TLCD1: variants seen among roughly 807,000 people sequenced by gnomAD.
TLCD1 encodes TLC domain containing 1, also known as TLC domain-containing protein 1.
In TLCD1, 21 loss-of-function variants were observed where a neutral mutation model predicts 21.2. The ratio of observed to expected loss-of-function variants is 0.99; its 90% confidence interval spans 0.70 to 1.42. The LOEUF is 1.42. TLCD1 is among the 40% of genes most tolerant of loss of function. TLCD1 has a pLI of 0.00. For missense variants in TLCD1, 344 were observed against 330.3 expected, an observed-to-expected ratio of 1.04 and a Z score of -0.32; for synonymous variants, 168 against 134.8, an observed-to-expected ratio of 1.25 and a Z score of -1.71.
Position 28,724,525 on chromosome 17 carries a change from C to G in TLCD1, c.729G>C (p.Lys243Asn). 6.2e-7 allele frequency: 1 copy of G among 1,613,960 alleles called. No individual in the cohort carries two copies. The highest frequency in any genetic ancestry group is 1.1e-5 in the South Asian group (1 of 91,084). ...EHVPKKQHKDKFLTE is the reference protein window; with the variant it reads ...EHVPKKQHKDNFLTE The stretch of plus-strand genomic sequence containing the variant: ...TCTGTGCCCCTCACTCAGTCAAGAA[C>G]TTGTCTTTGTGTTGCTTCTTGGGGA... Residue 243 changes from lysine (K) to asparagine (N), a missense_variant, in exon 4 of 4, where the codon AAG becomes AAC. By Grantham distance (94) the Lys-to-Asn change is moderately conservative (BLOSUM62 0). Transcript: ENST00000292090.
chr17:28,726,849 G>A (rs747185232), upstream of TLCD1: 2 of 1,541,256 alleles, frequency 1.3e-6, no homozygotes, highest in South Asian at 2.4e-5. Flanking sequence ...CTGGGGCCGG[G>A]CGGCTGTCAC....
At chr17:28,726,752 T>C (rs1017319486), upstream of TLCD1, 2 of 1,548,984 alleles carry the variant, frequency 1.3e-6, no homozygotes, top group Admixed American at 2.0e-5. Context: ...AGTCCCGTGT[T>C]TACCTGTCCC....
chr17:28,724,427 C>A lies in TLCD1; in HGVS notation c.*83G>T. ...GTGGAGAGGCTGGCCTCAGAGGACACCCAGGCTTGGGGCTAAGTCCCAGTG... is the reference window on the plus strand; with the variant it reads ...GTGGAGAGGCTGGCCTCAGAGGACAACCAGGCTTGGGGCTAAGTCCCAGTG... On this transcript the variant is annotated 3_prime_UTR_variant, in exon 4 of 4. Coordinates refer to ENST00000292090, the MANE Select transcript of TLCD1 (RefSeq NM_138463.4). 6.5e-7 allele frequency: 1 copy of A among 1,529,668 alleles called. No individual in the cohort carries two copies. Among genetic ancestry groups the A allele is most frequent in the Non-Finnish European group, 8.8e-7 (1 of 1,133,758 alleles). The allele number at this position is 1,529,668 out of a possible 1,614,324, so 94.8% of individuals were successfully genotyped here.
upstream of TLCD1, among the ~76,000 whole-genome samples, chr17:28,726,541 C>G (rs1209308852): frequency 6.6e-6 from 1 of 152,046 alleles, no homozygotes; most frequent in African/African-American, 2.4e-5. Context: ...CACTTTTCCC[C>G]GGGCCACCGG....
At chr17:28,727,700 A>AC (rs2034254160), upstream of TLCD1, 1 of 150,884 alleles carries the variant, frequency 6.6e-6, no homozygotes, top group Non-Finnish European at 1.5e-5. Context: ...GCTCACTGCA[A>AC]CCTCCGCCTC....
chr17:28,724,944 C>T, intron 3 of TLCD1, 51 bp from the exon 4 acceptor site: 6 of 1,566,744 alleles, frequency 3.8e-6, no homozygotes, highest in Non-Finnish European at 5.2e-6. Context: ...AGACGCTTTC[C>T]TGGAAGTTTG....
chr17:28,726,942 G>A, upstream of TLCD1: 3 of 838,846 alleles, frequency 3.6e-6, no homozygotes, highest in Non-Finnish European at 5.8e-6. Flanking sequence ...CGGGACAGCT[G>A]GAGTGACCCG....
In TLCD1 at chr17:28,724,496, A is replaced by G. The variant is rs199958888; in HGVS notation, c.*14T>C. The G allele has an allele frequency of 6.2e-5, 100 of 1,608,698 alleles. No homozygotes were observed. Among genetic ancestry groups the G allele is most frequent in the Non-Finnish European group, 8.2e-5 (96 of 1,176,152 alleles). ...TGGCCTTGTCCGTTTTTGTTGTCCC[A>G]GGCTCTGTGCCCCTCACTCAGTCAA... is the stretch of plus-strand genomic sequence containing the variant. On this transcript the variant is annotated 3_prime_UTR_variant, in exon 4 of 4. Transcript: ENST00000292090.
rs755096145 is a variant in TLCD1 at position 28,724,884 on chromosome 17, C to T, written c.370G>A (p.Ala124Thr). ...CTCCAAAAGATGCCGGAGAAGAAGG[C>T]ACCCATGGCCTAGAGGGAAGAAAGA... ...YLVHHVMAMG[A>T]FFSGIFWSSF... The change falls in exon 4 of 4, where the codon GCC (alanine) becomes ACC (threonine). Residue 124 changes from alanine to threonine, a missense_variant. Physicochemically the swap from Ala to Thr is moderately conservative, Grantham distance 58 (BLOSUM62 0). Transcript: ENST00000292090. 6.2e-7 allele frequency: 1 copy of T among 1,613,120 alleles called. No individual in the cohort carries two copies. Among genetic ancestry groups the T allele is most frequent in the Non-Finnish European group, 8.5e-7 (1 of 1,179,670 alleles).
Position 28,725,962 on chromosome 17 carries a change from G to A in TLCD1, c.136C>T (p.His46Tyr). Residue 46 changes from histidine to tyrosine, a missense_variant, in exon 1 of 4, where the codon CAC becomes TAC. His to Tyr is a moderately conservative substitution (Grantham distance 83). Transcript: ENST00000292090. ...RADPLRTWRW[H>Y]NLLVSFAHSI... ...TGAGCGAAGGAGACGAGCAGGTTGTGCCAGCGCCAGGTGCGCAGGGGGTCG... is the reference window on the plus strand; with the variant it reads ...TGAGCGAAGGAGACGAGCAGGTTGTACCAGCGCCAGGTGCGCAGGGGGTCG... The A allele has an allele frequency of 6.2e-7, 1 of 1,612,640 alleles. No individual in the cohort carries two copies. The highest frequency in any genetic ancestry group is 8.5e-7 in the Non-Finnish European group (1 of 1,179,768).
rs1369100049 is a variant in TLCD1, at chr17:28,726,082, G to A, written c.16C>T (p.His6Tyr). The part of the protein sequence containing the change: MPRLL[H>Y]PALPLLLGAT... ...CCCAGGAGCAGCGGCAGGGCGGGGT[G>A]CAGCAGTCGGGGCATGCTGGCCCTC... is the stretch of plus-strand genomic sequence containing the variant. Residue 6 changes from histidine (H) to tyrosine (Y), a missense_variant, in exon 1 of 4, where the codon CAC (histidine) becomes TAC (tyrosine). Coordinates refer to ENST00000292090, the MANE Select transcript of TLCD1 (RefSeq NM_138463.4). 10 of 1,476,928 alleles carry A rather than the reference G, an allele frequency of 6.8e-6. No homozygotes were observed. The allele number at this position is 1,476,928 out of a possible 1,614,324, so 91.5% of individuals were successfully genotyped here.
At position 28,725,471 on chromosome 17, in the gene TLCD1, C is replaced by G. The variant is rs1461952141; in HGVS notation, c.277+10G>C. 1 of 1,614,200 alleles carries G rather than the reference C, an allele frequency of 6.2e-7. No individual in the cohort carries two copies. The highest frequency in any genetic ancestry group is 1.1e-5 in the South Asian group (1 of 91,090). On this transcript the variant is annotated intron_variant, in intron 2 of 3. Transcript: ENST00000292090. ...CCCAATTTGCCTCCCGCTTCCTGGG[C>G]AAGACCTACCCGCAGAGAAGCAAAC...
rs773061634 is a variant in TLCD1, at chr17:28,724,597, T to A, written c.657A>T (p.Ile219=). ...AGCGGAGGAGGCGGGAAAAGTAGATTATGATCATCACGTCCAGCATGAGCA... is the reference window on the plus strand; with the variant it reads ...AGCGGAGGAGGCGGGAAAAGTAGATAATGATCATCACGTCCAGCATGAGCA... ...GILLMLDVMI[I]IYFSRLLRSD... is the part of the protein sequence containing the mutation. The change falls in exon 4 of 4, where the codon ATA becomes ATT. Residue 219 remains isoleucine, a synonymous_variant. Coordinates refer to ENST00000292090, the MANE Select transcript of TLCD1 (RefSeq NM_138463.4). 1 of 1,614,074 alleles carries A rather than the reference T, an allele frequency of 6.2e-7. No individual in the cohort carries two copies. Among genetic ancestry groups the A allele is most frequent in the Non-Finnish European group, 8.5e-7 (1 of 1,180,020 alleles).
At chr17:28,725,631 C>T (rs1410864819) in intron 1 of TLCD1, 68 bp from the exon 2 acceptor site, 1 of 1,526,634 alleles carries the variant, frequency 6.6e-7, no homozygotes, top group East Asian at 2.3e-5. Context: ...CTCGGTTACC[C>T]TTCGCAGCCC....
At chr17:28,725,006 AATAATAG>A in intron 3 of TLCD1, 113 bp from the exon 4 acceptor site, 1 of 1,214,888 alleles carries the variant, frequency 8.2e-7, no homozygotes, top group African/African-American at 1.5e-5. Context: ...TTCCCCCTGG[AATAATAG>A]TTTATAGTGG....
In TLCD1 at chr17:28,724,554, G is replaced by A. The variant is rs1251628102; in HGVS notation, c.700C>T (p.His234Tyr). The A allele has an allele frequency of 1.9e-6, 3 of 1,614,146 alleles. No individual in the cohort carries two copies. The South Asian group carries it at 3.3e-5, about 18-fold the overall frequency. The change falls in exon 4 of 4, where the codon CAT (histidine) becomes TAT (tyrosine). Residue 234 changes from histidine to tyrosine, a missense_variant. Transcript: ENST00000292090. ...RLLRSDFCPE[H>Y]VPKKQHKDKF... The stretch of plus-strand genomic sequence containing the variant: ...TCTTTGTGTTGCTTCTTGGGGACAT[G>A]CTCAGGGCAGAAGTCAGAGCGGAGG...
chr17:28,725,028 G>A (rs1349057374), intron 3 of TLCD1, 135 bp from the exon 4 acceptor site: 1 of 1,039,568 alleles, frequency 9.6e-7, no homozygotes, highest in African/African-American at 1.6e-5. Flanking sequence ...TAGTGGGTAA[G>A]ATGCTTTGTT....
At chr17:28,726,896 T>C, upstream of TLCD1, 2 of 1,365,718 alleles carry the variant, frequency 1.5e-6, no homozygotes, top group Non-Finnish European at 2.0e-6. Flanking sequence ...TCGGCCCGGC[T>C]CCCCGGAGGC....
In TLCD1 at chr17:28,724,855, G is replaced by C; in HGVS notation, c.399C>G (p.Ser133Arg). 6.2e-7 allele frequency: 1 copy of C among 1,613,880 alleles called. No homozygotes were observed. The highest frequency in any genetic ancestry group is 1.7e-5 in the Admixed American group (1 of 60,004). The stretch of plus-strand genomic sequence containing the variant: ...GTGTTAAGACACCCCCACCGACAAA[G>C]CTGCTCCAAAAGATGCCGGAGAAGA... ...GAFFSGIFWS[S>R]FVGGGVLTLL... is the part of the protein sequence containing the mutation. The change falls in exon 4 of 4, where the codon AGC (serine) becomes AGG (arginine). Residue 133 changes from serine to arginine, a missense_variant. By Grantham distance (110) the Ser-to-Arg change is moderately radical. Coordinates refer to ENST00000292090, the MANE Select transcript of TLCD1 (RefSeq NM_138463.4).
Sources: allele counts gnomAD v4.1 joint callset (sites outside exome capture counted in the v4.1 genomes callset), GRCh38; gene constraint gnomAD v4.1.1; transcripts MANE v1.5; gene names NCBI Gene and HGNC (gene_info 2026-07-23, HGNC 2026-07-21).